RANBP9: variants seen among roughly 807,000 people sequenced by gnomAD.
RANBP9 encodes ran-binding protein 9.
RANBP9 carries 15 observed loss-of-function variants against 84.3 expected under a neutral mutation model. That is an observed-to-expected ratio of 0.18 (90% CI 0.12 to 0.27). RANBP9 has a LOEUF of 0.27. Ranked by LOEUF, RANBP9 falls within the 10% of genes least tolerant of loss-of-function variation. The probability of loss-of-function intolerance (pLI) is 1.00; values close to 1 mark genes in which losing one functional copy is unlikely to be tolerated. For missense variants in RANBP9, 809 were observed against 912.8 expected, an observed-to-expected ratio of 0.89 and a Z score of 1.46; for synonymous variants, 392 against 349.6, an observed-to-expected ratio of 1.12 and a Z score of -1.35.
rs1162125704 is a variant in RANBP9, at chr6:13,637,901, C to A, written c.1580G>T (p.Cys527Phe). The change falls in exon 10 of 14, where the codon TGC (cysteine) becomes TTC (phenylalanine). Residue 527 changes from cysteine (C) to phenylalanine (F), a missense_variant. Transcript: ENST00000011619. ...VISNKAHQSY[C>F]HSNKHQSSNL... Reference sequence around the variant, plus strand: ...GGATGACTGGTGTTTATTACTATGGCAATATGATTGATGTGCTTTATTTGA... The same window carrying A: ...GGATGACTGGTGTTTATTACTATGGAAATATGATTGATGTGCTTTATTTGA... 1.2e-6 allele frequency: 2 copies of A among 1,609,014 alleles called. No individual in the cohort carries two copies. The highest frequency in any genetic ancestry group is 1.7e-6 in the Non-Finnish European group (2 of 1,175,848).
rs1241619095 is a variant in RANBP9 at position 13,637,941 on chromosome 6, T to A, written c.1540A>T (p.Ser514Cys). Residue 514 changes from serine to cysteine, a missense_variant, in exon 10 of 14, where the codon AGT becomes TGT. Ser to Cys is a moderately radical substitution (Grantham distance 112, BLOSUM62 -1). This residue lies in a region of RANBP9 where 216 missense variants were observed against 329.0 expected (regional missense o/e 0.66). Transcript: ENST00000011619. Reference sequence around the variant, plus strand: ...GCTTTATTTGATATTACACCATTACTACAACTTTCAAAACCTGAAGAAAAA... The same window carrying A: ...GCTTTATTTGATATTACACCATTACAACAACTTTCAAAACCTGAAGAAAAA... ...TAHFSGFESC[S>C]NGVISNKAHQ... is the part of the protein sequence containing the mutation. The A allele has an allele frequency of 1.3e-6, 2 of 1,595,764 alleles. No individual in the cohort carries two copies. Among genetic ancestry groups the A allele is most frequent in the Non-Finnish European group, 1.7e-6 (2 of 1,174,154 alleles).
rs1765783030 is a variant in RANBP9, at chr6:13,671,724, T to G, written c.684-12892A>C. ...GGGTTGCATAACTCTGTGAATATAG[T>G]AAAAATTACCAAATTGTGCATTTTT... On this transcript the variant is annotated intron_variant, in intron 2 of 13. Coordinates refer to ENST00000011619, the MANE Select transcript of RANBP9 (RefSeq NM_005493.3). 2.0e-5 allele frequency among the ~76,000 whole-genome samples: 3 copies of G among 152,164 alleles called. No homozygotes were observed. The South Asian group carries it at 6.2e-4, about 32-fold the overall frequency.
intron 4 of RANBP9, among the ~76,000 whole-genome samples, chr6:13,654,134 G>T (rs569038119): frequency 6.6e-6 from 1 of 151,862 alleles, no homozygotes; most frequent in African/African-American, 2.4e-5. Context: ...AAACTCTAAC[G>T]AAAAATTCAA....
chr6:13,628,670 C>T (rs1234751902), intron 12 of RANBP9, among the ~76,000 whole-genome samples: 2 of 152,206 alleles, frequency 1.3e-5, no homozygotes, highest in Non-Finnish European at 2.9e-5. Flanking sequence ...TCGTAAACAT[C>T]TAGGACTTGA....
At chr6:13,683,092 C>T (rs1322285434) in intron 2 of RANBP9, among the ~76,000 whole-genome samples, 1 of 152,156 alleles carries the variant, frequency 6.6e-6, no homozygotes, top group African/African-American at 2.4e-5. Flanking sequence ...CAACTCTTAA[C>T]CAGTCTGTTT....
rs921460429 is a variant in RANBP9 at position 13,644,125 on chromosome 6, T to C, written c.1112+420A>G. Among the ~76,000 whole-genome samples the C allele has an allele frequency of 2.6e-5, 4 of 152,284 alleles. No homozygotes were observed. In the South Asian group the frequency reaches 6.2e-4, roughly 24 times the overall value. The stretch of plus-strand genomic sequence containing the variant: ...AGTTCAGATATTAAGAGCTTGGACA[T>C]AGCCAAGTTCATGACCAAAAACCAC... On this transcript the variant is annotated intron_variant, in intron 6 of 13. Transcript: ENST00000011619.
chr6:13,638,015 A>G (rs983653300), intron 9 of RANBP9, 60 bp from the exon 10 acceptor site: 1 of 1,436,644 alleles, frequency 7.0e-7, no homozygotes, highest in African/African-American at 1.4e-5. Flanking sequence ...ATACGGTTGT[A>G]AACAAGTCTC....
At chr6:13,708,686 T>C (rs6940759) in intron 1 of RANBP9, among the ~76,000 whole-genome samples, 62,911 of 151,902 alleles carry the variant, frequency 0.41, 13,491 homozygotes, top group Admixed American at 0.53. Flanking sequence ...TATTCTGTGA[T>C]TTTAAAGTAT....
intron 7 of RANBP9, 124 bp downstream of exon 7, chr6:13,642,355 G>T: frequency 2.7e-6 from 1 of 370,194 alleles, no homozygotes; most frequent in Non-Finnish European, 4.7e-6. Context: ...AAAATTCAGA[G>T]GCATCCATTT....
chr6:13,710,162 T>G (rs951343737), intron 1 of RANBP9, among the ~76,000 whole-genome samples: 6 of 152,236 alleles, frequency 3.9e-5, no homozygotes, highest in Admixed American at 6.5e-5. Context: ...AGCCTAAGGT[T>G]GTTGTTTTTA....
Position 13,639,697 on chromosome 6 carries a change from C to T in RANBP9, c.1391G>A (p.Gly464Glu), listed in dbSNP as rs759008648. 6.2e-7 allele frequency: 1 copy of T among 1,614,102 alleles called. No individual in the cohort carries two copies. The highest frequency in any genetic ancestry group is 8.5e-7 in the Non-Finnish European group (1 of 1,180,000). The change falls in exon 9 of 14, where the codon GGA (glycine) becomes GAA (glutamate). Residue 464 changes from glycine (G) to glutamate (E), a missense_variant. Gly to Glu is a moderately conservative substitution (Grantham distance 98). Around this residue, in one of 5 missense-constraint regions of RANBP9, gnomAD observed 216 missense variants for 329.0 expected, o/e 0.66. Transcript: ENST00000011619. ...GTCTTGAGACTTTGGACTTCGGCCT[C>T]CCAAACATCGTACTTCACTATCTGT... ...NGTDSEVRCL[G>E]GRSPKSQDSY...
Position 13,708,942 on chromosome 6 carries a change from G to A in RANBP9, c.571+1993C>T, listed in dbSNP as rs72831043. Among the ~76,000 whole-genome samples, 351 of 152,038 alleles carry A rather than the reference G, an allele frequency of 2.3e-3. 2 individuals are homozygous for A. Among genetic ancestry groups the A allele is most frequent in the African/African-American group, 8.1e-3 (336 of 41,444 alleles). On this transcript the variant is annotated intron_variant, in intron 1 of 13. Coordinates refer to ENST00000011619, the MANE Select transcript of RANBP9 (RefSeq NM_005493.3). The stretch of plus-strand genomic sequence containing the variant: ...AGAGACAAAGGAAAGATAGAAGAGA[G>A]GAAAAATAAAAGGATAACAACAAAA...
chr6:13,635,629 A>C (rs1324499332), intron 10 of RANBP9, among the ~76,000 whole-genome samples: 2 of 151,686 alleles, frequency 1.3e-5, no homozygotes, highest in Admixed American at 6.6e-5. Context: ...AAAAAAAAAA[A>C]AAACAAGAGA....
At chr6:13,624,174 G>A (rs1764535235) in intron 13 of RANBP9, among the ~76,000 whole-genome samples, 1 of 152,012 alleles carries the variant, frequency 6.6e-6, no homozygotes, top group Admixed American at 6.6e-5. Context: ...ACAACACTGA[G>A]GACACTACTC....
intron 1 of RANBP9, among the ~76,000 whole-genome samples, chr6:13,702,212 G>A (rs1274211333): frequency 6.6e-6 from 1 of 152,170 alleles, no homozygotes; most frequent in Non-Finnish European, 1.5e-5. Flanking sequence ...GGAGGCCAAG[G>A]TGGGTGGATC....
intron 2 of RANBP9, among the ~76,000 whole-genome samples, chr6:13,684,254 T>TTTCATTGTTATGCCC (rs1766114186): frequency 6.6e-6 from 1 of 152,214 alleles, no homozygotes; most frequent in South Asian, 2.1e-4. Flanking sequence ...TTCTCTTGTC[T>TTTCATTGTTATGCCC]TTCATTGTTA....
At chr6:13,655,287 C>T (rs1047517635) in intron 4 of RANBP9, among the ~76,000 whole-genome samples, 1 of 152,124 alleles carries the variant, frequency 6.6e-6, no homozygotes, top group Admixed American at 6.5e-5. Flanking sequence ...GCCTAGACAA[C>T]ATGGTGAAAC....
At chr6:13,642,712 G>T (rs975412541) in intron 6 of RANBP9, 121 bp from the exon 7 acceptor site, 2 of 547,814 alleles carry the variant, frequency 3.7e-6, no homozygotes, top group Non-Finnish European at 3.0e-6. Context: ...CTTGAAACAA[G>T]GCGTTAAGAA....
At chr6:13,664,262 CAT>C (rs1362946433) in intron 2 of RANBP9, among the ~76,000 whole-genome samples, 1 of 152,054 alleles carries the variant, frequency 6.6e-6, no homozygotes, top group Non-Finnish European at 1.5e-5. Flanking sequence ...TCTACAACAG[CAT>C]CAGAAAACAT....
Sources: allele counts gnomAD v4.1 joint callset (sites outside exome capture counted in the v4.1 genomes callset), GRCh38; gene constraint gnomAD v4.1.1; regional missense constraint gnomAD v4.1.1; transcripts MANE v1.5; gene names NCBI Gene and HGNC (gene_info 2026-07-23, HGNC 2026-07-21).